Variants in CDK14 observed in about 807,000 individuals in gnomAD.
The protein encoded by CDK14 is cyclin dependent kinase 14.
Under a neutral mutation model 60.7 loss-of-function variants are expected in CDK14, and 34 were observed. That is an observed-to-expected ratio of 0.56 (90% confidence interval 0.43 to 0.75). CDK14 has a LOEUF of 0.75. Among genes scored for constraint, CDK14 ranks in the 30% least tolerant of loss-of-function variants. The probability of loss-of-function intolerance (pLI) is 0.00; values close to 1 mark genes in which losing one functional copy is unlikely to be tolerated. For missense variants in CDK14, 482 were observed against 564.1 expected (o/e 0.85, Z 1.47); for synonymous variants, 197 against 203.7 (o/e 0.97, Z 0.28).
chr7:90,771,589 G>C (rs1250585130), intron 4 of CDK14, among the ~76,000 whole-genome samples: 2 of 152,184 alleles, frequency 1.3e-5, no homozygotes, highest in Middle Eastern at 3.2e-3. Flanking sequence ...GGCTTAGAAT[G>C]GTCAAATATG....
rs140841139 is a variant in CDK14, at chr7:90,825,124, G to A, written c.544+34472G>A. ...GAATCACTTGAGACCTATTCATAAA[G>A]AATAGGATGATGTATATAACTAAAG... is the stretch of plus-strand genomic sequence containing the variant. On this transcript the variant is annotated intron_variant, in intron 5 of 14. Transcript: ENST00000380050. 2.2e-4 allele frequency among the ~76,000 whole-genome samples: 34 copies of A among 152,302 alleles called. No homozygotes were observed. In the East Asian group the frequency reaches 6.6e-3, roughly 29 times the overall value.
chr7:90,958,918 A>T (rs887813855), intron 9 of CDK14, among the ~76,000 whole-genome samples: 2 of 151,990 alleles, frequency 1.3e-5, no homozygotes, highest in African/African-American at 4.8e-5. Context: ...CTAGTGGCTA[A>T]TTTTTCCCAA....
chr7:90,608,645 C>A, intron 2 of CDK14: 1 of 531,494 alleles, frequency 1.9e-6, no homozygotes, highest in Non-Finnish European at 2.4e-6. Flanking sequence ...ATGTTTATGG[C>A]ATATAATCCA....
chr7:90,954,362 T>G (rs1310177141), intron 8 of CDK14, among the ~76,000 whole-genome samples: 1 of 152,150 alleles, frequency 6.6e-6, no homozygotes, highest in Non-Finnish European at 1.5e-5. Context: ...AAAAATGTTT[T>G]AAGTGCTATA....
chr7:90,695,867 G>A (rs1243548530), intron 2 of CDK14, among the ~76,000 whole-genome samples: 1 of 152,200 alleles, frequency 6.6e-6, no homozygotes, highest in Non-Finnish European at 1.5e-5. Flanking sequence ...GAGAAGGTCA[G>A]AGAGGTCGTA....
At chr7:91,009,019 C>T (rs1796076177) in intron 10 of CDK14, among the ~76,000 whole-genome samples, 2 of 152,228 alleles carry the variant, frequency 1.3e-5, no homozygotes, top group Middle Eastern at 3.4e-3. Flanking sequence ...TTCCTTCCCT[C>T]TTTCTGCTTC....
intron 2 of CDK14, among the ~76,000 whole-genome samples, chr7:90,718,407 A>G (rs1014741615): frequency 6.6e-6 from 1 of 152,142 alleles, no homozygotes; most frequent in African/African-American, 2.4e-5. Context: ...CCTATCTAAA[A>G]TTATTTACCA....
At chr7:91,155,773 A>G (rs189339904) in intron 14 of CDK14, among the ~76,000 whole-genome samples, 2 of 152,338 alleles carry the variant, frequency 1.3e-5, no homozygotes, top group Admixed American at 1.3e-4. Flanking sequence ...TGACCCATTA[A>G]CAAGATTTCT....
chr7:90,956,619 T>G (rs547950295), intron 9 of CDK14, among the ~76,000 whole-genome samples: 34 of 152,196 alleles, frequency 2.2e-4, no homozygotes, highest in African/African-American at 7.9e-4. Flanking sequence ...ATGTATTTAT[T>G]TATTATTATT....
chr7:90,669,187 A>T (rs761946934), intron 2 of CDK14, among the ~76,000 whole-genome samples: 2 of 152,192 alleles, frequency 1.3e-5, no homozygotes, highest in Non-Finnish European at 2.9e-5. Flanking sequence ...CGTAGTAGGT[A>T]GTAGTGCAAT....
chr7:90,907,347 C>T (rs911836420), intron 7 of CDK14, among the ~76,000 whole-genome samples: 14 of 151,994 alleles, frequency 9.2e-5, no homozygotes, highest in African/African-American at 3.4e-4. Flanking sequence ...GACCATTGCA[C>T]TTTCACAAAT....
intron 2 of CDK14, among the ~76,000 whole-genome samples, chr7:90,695,580 A>G (rs560589028): frequency 6.6e-6 from 1 of 152,306 alleles, no homozygotes; most frequent in South Asian, 2.1e-4. Flanking sequence ...ATAAACGGAT[A>G]TGACCAGGCT....
chr7:91,073,326 A>T (rs1165469424), intron 11 of CDK14, among the ~76,000 whole-genome samples: 1 of 152,238 alleles, frequency 6.6e-6, no homozygotes, highest in Non-Finnish European at 1.5e-5. Context: ...AAACCCTGCA[A>T]GCCAGAAGAG....
At chr7:90,985,818 T>C (rs951675392) in intron 10 of CDK14, among the ~76,000 whole-genome samples, 16 of 152,214 alleles carry the variant, frequency 1.1e-4, no homozygotes, top group African/African-American at 3.1e-4. Context: ...CAAAGTGTTG[T>C]CCTGTTGGTT....
intron 3 of CDK14, among the ~76,000 whole-genome samples, chr7:90,729,372 C>T (rs10435254): frequency 0.87 from 81,249 of 93,058 alleles, 34,968 homozygotes; most frequent in East Asian, 0.99. Context: ...TTTTTTTTTT[C>T]CCCACTCATC....
intron 3 of CDK14, 114 bp downstream of exon 3, chr7:90,726,926 T>A: frequency 1.6e-6 from 2 of 1,251,010 alleles, no homozygotes; most frequent in African/African-American, 3.0e-5. Flanking sequence ...TTATGCATTC[T>A]CTCCCAGGGT....
chr7:90,770,528 A>G (rs866992074), intron 4 of CDK14, among the ~76,000 whole-genome samples: 4 of 152,234 alleles, frequency 2.6e-5, no homozygotes, highest in Non-Finnish European at 5.9e-5. Context: ...TACTTTAAAA[A>G]ATGTAGTAAT....
chr7:91,168,639 T>C (rs777861405), intron 14 of CDK14, among the ~76,000 whole-genome samples: 1 of 152,252 alleles, frequency 6.6e-6, no homozygotes, highest in Non-Finnish European at 1.5e-5. Flanking sequence ...CTATTTTACA[T>C]GTAGACCAAA....
At chr7:91,021,590 A>G (rs1430311571) in intron 10 of CDK14, among the ~76,000 whole-genome samples, 1 of 152,242 alleles carries the variant, frequency 6.6e-6, no homozygotes, top group Non-Finnish European at 1.5e-5. Context: ...TAGAAAAAGC[A>G]TAATATAGAG....
Sources: gnomAD v4.1 joint callset for allele counts (sites outside exome capture counted in the v4.1 genomes callset) on GRCh38, gnomAD v4.1.1 for gene constraint, MANE v1.5 for transcripts, NCBI Gene and HGNC (gene_info 2026-07-23, HGNC 2026-07-21) for gene names.